AHNAK2: variants seen among roughly 807,000 people sequenced by gnomAD.
The protein encoded by AHNAK2 is protein AHNAK2.
Under a neutral mutation model 30.7 loss-of-function variants are expected in AHNAK2, and 18 were observed. That is an observed-to-expected ratio of 0.59 (90% CI 0.41 to 0.87). The LOEUF (loss-of-function observed/expected upper bound fraction) is 0.87, where lower values mean the gene tolerates loss of function less well. Ranked by LOEUF, AHNAK2 falls within the 40% of genes least tolerant of loss-of-function variation. The probability of loss-of-function intolerance (pLI) is 0.00; values close to 1 mark genes in which losing one functional copy is unlikely to be tolerated. For missense variants in AHNAK2, 8,604 were observed against 7,373.0 expected (o/e 1.17, Z -6.11); for synonymous variants, 3,590 against 3,073.8 (o/e 1.17, Z -5.56).
At chr14:104,978,051 A>G (rs1490391592) in intron 1 of AHNAK2, 132 bp downstream of exon 1, 1 of 684,496 alleles carries the variant, frequency 1.5e-6, no homozygotes, top group East Asian at 4.2e-5. Flanking sequence ...ACCACGCGCG[A>G]GTCCCGCAGG....
Position 104,945,289 on chromosome 14 carries a change from T to G in AHNAK2, c.10162A>C (p.Lys3388Gln). Reference sequence around the variant, plus strand: ...ATCTCCACCTTGGGCAGGTGCCCTTTGAGGCCAGCTCCCTCGGGCACGTGG... The same window carrying G: ...ATCTCCACCTTGGGCAGGTGCCCTTGGAGGCCAGCTCCCTCGGGCACGTGG... ...EGHVPEGAGL[K>Q]GHLPKVEMPS... Residue 3388 changes from lysine to glutamine, a missense_variant, in exon 7 of 7, where the codon AAA becomes CAA. Transcript: ENST00000333244. 1 of 1,612,996 alleles carries G rather than the reference T, an allele frequency of 6.2e-7. No individual in the cohort carries two copies.
rs149220372 is a variant in AHNAK2, at chr14:104,948,965, C to T, written c.6486G>A (p.Ser2162=). 7.8e-4 allele frequency: 980 copies of T among 1,250,284 alleles called. 128 individuals carry two copies. Among genetic ancestry groups the T allele is most frequent in the East Asian group, 4.1e-3 (180 of 44,022 alleles). The allele number at this position is 1,250,284 out of a possible 1,614,324, so 77.4% of individuals were successfully genotyped here. The part of the protein sequence containing the change: ...KFKMPKFKMP[S]FGVSAPGKSI... ...ACTTGCCTGGGGCAGACACCCCAAA[C>T]GACGGCATCTTGAACTTGGGCATTT... Residue 2162 remains serine (S), a synonymous_variant, in exon 7 of 7, where the codon TCG becomes TCA. Transcript: ENST00000333244.
chr14:104,942,305 C>T lies in AHNAK2; in HGVS notation c.13146G>A (p.Pro4382=), dbSNP rs370894337. 19 of 1,611,390 alleles carry T rather than the reference C, an allele frequency of 1.2e-5. No homozygotes were observed. Among genetic ancestry groups the T allele is most frequent in the African/African-American group, 2.7e-5 (2 of 74,220 alleles). Residue 4382 remains proline, a synonymous_variant, in exon 7 of 7, where the codon CCG becomes CCA. Transcript: ENST00000333244. ...CCTTGAAACTGGGCATCTGCAGCTTCGGCAGGTGCCCTTTGAGGCCGGCTC... is the reference window on the plus strand; with the variant it reads ...CCTTGAAACTGGGCATCTGCAGCTTTGGCAGGTGCCCTTTGAGGCCGGCTC... The part of the protein sequence containing the change: ...HEGAGLKGHL[P]KLQMPSFKVP...
Position 104,946,122 on chromosome 14 carries a change from T to A in AHNAK2, c.9329A>T (p.Glu3110Val). 6.2e-7 allele frequency: 1 copy of A among 1,611,922 alleles called. No homozygotes were observed. Among genetic ancestry groups the A allele is most frequent in the Non-Finnish European group, 8.5e-7 (1 of 1,179,358 alleles). ...GGCTCCTGGGGCCTCGACATCCACC[T>A]CCATGCCGGGCTGAGACACCTCCAC... ...PDVEVSQPGM[E>V]VDVEAPGAKL... The change falls in exon 7 of 7, where the codon GAG becomes GTG. Residue 3110 changes from glutamate (E) to valine (V), a missense_variant. Glu to Val is a moderately radical substitution (Grantham distance 121, BLOSUM62 -2). Transcript: ENST00000333244.
intron 1 of AHNAK2, among the ~76,000 whole-genome samples, chr14:104,971,446 C>T (rs1187132128): frequency 6.6e-6 from 1 of 152,124 alleles, no homozygotes; most frequent in Non-Finnish European, 1.5e-5. Context: ...GACAAGGTCT[C>T]CCTGTGTTGC....
At chr14:104,977,642 C>T (rs1899628311) in intron 1 of AHNAK2, among the ~76,000 whole-genome samples, 1 of 152,212 alleles carries the variant, frequency 6.6e-6, no homozygotes, top group Non-Finnish European at 1.5e-5. Flanking sequence ...CCTGGAAGCC[C>T]CGGACCAAAG....
Position 104,939,253 on chromosome 14 carries a change from T to C in AHNAK2, c.16198A>G (p.Ser5400Gly), listed in dbSNP as rs1897908144. The C allele has an allele frequency of 1.2e-6, 2 of 1,613,776 alleles. No individual in the cohort carries two copies. Among genetic ancestry groups the C allele is most frequent in the Non-Finnish European group, 1.7e-6 (2 of 1,179,894 alleles). The change falls in exon 7 of 7, where the codon AGC becomes GGC. Residue 5400 changes from serine to glycine, a missense_variant. Coordinates refer to ENST00000333244, the MANE Select transcript of AHNAK2 (RefSeq NM_138420.4). Reference protein sequence around the residue: ...MVPRFSFPAPSSEDDVFIPTV... With the variant: ...MVPRFSFPAPGSEDDVFIPTV... ...GGGATGAACACATCATCCTCTGAGC[T>C]GGGGGCAGGGAAGGAGAACCTTGGT...
Position 104,947,774 on chromosome 14 carries a change from T to C in AHNAK2, c.7677A>G (p.Gly2559=). The C allele has an allele frequency of 2.5e-6, 4 of 1,612,186 alleles. No individual in the cohort carries two copies. Among genetic ancestry groups the C allele is most frequent in the Non-Finnish European group, 3.4e-6 (4 of 1,179,494 alleles). The change falls in exon 7 of 7, where the codon GGA becomes GGG. Residue 2559 remains glycine, a synonymous_variant. Transcript: ENST00000333244. ...TGGGCAGGTGCCCTTTGAGGCCGGC[T>C]CCCTCCGGCACAGGGCCCTCTGGGA... ...VKLPEGPVPE[G]AGLKGHLPKV... is the part of the protein sequence containing the mutation.
In AHNAK2 at chr14:104,938,297, C is replaced by T. The variant is rs539752620; in HGVS notation, c.17154G>A (p.Gly5718=). ...GAAGTTTTTGTTCTTCCAGCTCTGC[C>T]CCATCTTCGGTGCTTTTGCTTTTCT... ...PTKKSKSTED[G]AELEEQKLQE... is the part of the protein sequence containing the mutation. The change falls in exon 7 of 7, where the codon GGG becomes GGA. Residue 5718 remains glycine, a synonymous_variant. Transcript: ENST00000333244. 1 of 1,613,930 alleles carries T rather than the reference C, an allele frequency of 6.2e-7. No homozygotes were observed. Among genetic ancestry groups the T allele is most frequent in the Non-Finnish European group, 8.5e-7 (1 of 1,179,892 alleles).
rs200145279 is a variant in AHNAK2, at chr14:104,952,746, G to A, written c.2705C>T (p.Pro902Leu). Reference sequence around the variant, plus strand: ...GGCTCCCTCGGGCACAGGGCCCTCCGGAAGTTTCACATCCACTTGGCCAGC... The same window carrying A: ...GGCTCCCTCGGGCACAGGGCCCTCCAGAAGTTTCACATCCACTTGGCCAGC... The part of the protein sequence containing the change: ...VQAGQVDVKL[P>L]EGPVPEGAGP... Residue 902 changes from proline to leucine, a missense_variant, in exon 7 of 7, where the codon CCG becomes CTG. By Grantham distance (98) the Pro-to-Leu change is moderately conservative. Transcript: ENST00000333244. The A allele has an allele frequency of 2.2e-4, 355 of 1,612,300 alleles. 1 individual carries two copies. The highest frequency in any genetic ancestry group is 5.0e-4 in the Middle Eastern group (3 of 6,050).
At chr14:104,978,074 C>T in intron 1 of AHNAK2, 109 bp downstream of exon 1, 1 of 937,224 alleles carries the variant, frequency 1.1e-6, no homozygotes, top group Non-Finnish European at 1.4e-6. Flanking sequence ...TCTCCGAGTC[C>T]CCCGCCCCCA....
chr14:104,967,810 C>T (rs1047302864), intron 1 of AHNAK2, among the ~76,000 whole-genome samples: 2 of 152,202 alleles, frequency 1.3e-5, no homozygotes, highest in Non-Finnish European at 2.9e-5. Context: ...GCCAGGCTAC[C>T]GGCCTCGGAC....
intron 1 of AHNAK2, among the ~76,000 whole-genome samples, chr14:104,971,076 C>T (rs946567130): frequency 6.6e-6 from 1 of 152,124 alleles, no homozygotes; most frequent in East Asian, 1.9e-4. Flanking sequence ...CACCACACCT[C>T]GAAGCACCAG....
Position 104,948,672 on chromosome 14 carries a change from C to G in AHNAK2, c.6779G>C (p.Gly2260Ala), listed in dbSNP as rs774054550. The change falls in exon 7 of 7, where the codon GGC becomes GCC. Residue 2260 changes from glycine to alanine, a missense_variant. Transcript: ENST00000333244. Reference protein sequence around the residue: ...DLKGPEIDIKGPKLDLKDPKV... With the variant: ...DLKGPEIDIKAPKLDLKDPKV... ...GGGGTCTTTTAGGTCCAGCTTGGGGCCCTTGATGTCTATTTCGGGGCCCTT... is the reference window on the plus strand; with the variant it reads ...GGGGTCTTTTAGGTCCAGCTTGGGGGCCTTGATGTCTATTTCGGGGCCCTT... The G allele has an allele frequency of 1.9e-6, 3 of 1,611,496 alleles. No homozygotes were observed. Among genetic ancestry groups the G allele is most frequent in the African/African-American group, 2.7e-5 (2 of 73,448 alleles).
rs1316822296 is a variant in AHNAK2 at position 104,953,288 on chromosome 14, A to C, written c.2163T>G (p.Thr721=). Residue 721 remains threonine, a synonymous_variant, in exon 7 of 7, where the codon ACT becomes ACG. Coordinates refer to ENST00000333244, the MANE Select transcript of AHNAK2 (RefSeq NM_138420.4). ...LLSMQGDLKT[T]DLSVQTPSAD... is the part of the protein sequence containing the mutation. ...CGGAAGGGGTCTGGACGCTGAGGTC[A>C]GTGGTCTTGAGGTCCCCCTGCATGG... 4.3e-6 allele frequency: 7 copies of C among 1,612,616 alleles called. No homozygotes were observed. In the South Asian group the frequency reaches 5.5e-5, roughly 13 times the overall value.
chr14:104,967,072 G>A (rs985752312), intron 1 of AHNAK2, among the ~76,000 whole-genome samples: 58 of 152,284 alleles, frequency 3.8e-4, no homozygotes, highest in African/African-American at 1.4e-3. Context: ...GGCAGCAGGT[G>A]CAGCTGGGGT....
At chr14:104,976,810 A>G (rs1899605028) in intron 1 of AHNAK2, among the ~76,000 whole-genome samples, 1 of 152,128 alleles carries the variant, frequency 6.6e-6, no homozygotes, top group Non-Finnish European at 1.5e-5. Context: ...CTGTGCAGGG[A>G]AGCTGGGGGC....
chr14:104,948,896 G>A lies in AHNAK2; in HGVS notation c.6555C>T (p.Ala2185=), dbSNP rs371193782. 427 of 1,603,894 alleles carry A rather than the reference G, an allele frequency of 2.7e-4. No homozygotes were observed. Among genetic ancestry groups the A allele is most frequent in the South Asian group, 4.6e-4 (42 of 90,480 alleles). Residue 2185 remains alanine (A), a synonymous_variant, in exon 7 of 7, where the codon GCC becomes GCT. Coordinates refer to ENST00000333244, the MANE Select transcript of AHNAK2 (RefSeq NM_138420.4). Reference sequence around the variant, plus strand: ...CCTGCATGGAGGGGAGACTCATGTCGGCCTCCACCTTGGGTGGAGACACAT... The same window carrying A: ...CCTGCATGGAGGGGAGACTCATGTCAGCCTCCACCTTGGGTGGAGACACAT... ...SVDVSPPKVE[A]DMSLPSMQGD...
At position 104,944,001 on chromosome 14, in the gene AHNAK2, G is replaced by A. The variant is rs746818826; in HGVS notation, c.11450C>T (p.Ala3817Val). The A allele has an allele frequency of 8.1e-6, 13 of 1,612,854 alleles. No individual in the cohort carries two copies. Among genetic ancestry groups the A allele is most frequent in the Non-Finnish European group, 1.1e-5 (13 of 1,179,488 alleles). ...CGAGGCCTCAATGGACTTGCCTGGG[G>A]CAGACACCCCAAATGACGGCATCTT... ...KFKMPSFGVS[A>V]PGKSIEASVH... Residue 3817 changes from alanine (A) to valine (V), a missense_variant, in exon 7 of 7, where the codon GCC becomes GTC. Ala to Val is a moderately conservative substitution (Grantham distance 64). Coordinates refer to ENST00000333244, the MANE Select transcript of AHNAK2 (RefSeq NM_138420.4).
Sources: gnomAD v4.1 joint callset for allele counts (sites outside exome capture counted in the v4.1 genomes callset) on GRCh38, gnomAD v4.1.1 for gene constraint, MANE v1.5 for transcripts, NCBI Gene and HGNC (gene_info 2026-07-23, HGNC 2026-07-21) for gene names.